The following PDSS2 variants were observed in gnomAD, a reference collection of about 807,000 sequenced individuals.
The protein encoded by PDSS2 is decaprenyl diphosphate synthase subunit 2.
Under a neutral mutation model 44.5 loss-of-function variants are expected in PDSS2, and 31 were observed. The ratio of observed to expected loss-of-function variants is 0.70; its 90% CI spans 0.52 to 0.94. PDSS2 has a LOEUF of 0.94. Among genes scored for constraint, PDSS2 ranks in the 40% least tolerant of loss-of-function variants. The probability of loss-of-function intolerance (pLI) is 0.00; values close to 1 mark genes in which losing one functional copy is unlikely to be tolerated. For synonymous variants in PDSS2, 157 were observed against 180.3 expected, an observed-to-expected ratio of 0.87 and a Z score of 1.03; for missense variants, 452 against 482.2, an observed-to-expected ratio of 0.94 and a Z score of 0.59.
intron 1 of PDSS2, among the ~76,000 whole-genome samples, chr6:107,456,462 TA>T (rs1782047505): frequency 6.6e-6 from 1 of 152,180 alleles, no homozygotes; most frequent in Admixed American, 6.5e-5. Flanking sequence ...GGAAGTCACA[TA>T]AGGTCATATG....
chr6:107,271,550 TACAGTACAATTGGGTGACACACTAC>T (rs1256403629), intron 3 of PDSS2, among the ~76,000 whole-genome samples: 1 of 152,200 alleles, frequency 6.6e-6, no homozygotes, highest in Non-Finnish European at 1.5e-5. Context: ...ATGCATGGGC[TACAGTACAATTGGGTGACACACTAC>T]ACAGCCAGCT....
At chr6:107,171,670 C>T (rs1455340247) in intron 7 of PDSS2, among the ~76,000 whole-genome samples, 1 of 152,100 alleles carries the variant, frequency 6.6e-6, no homozygotes, top group Non-Finnish European at 1.5e-5. Flanking sequence ...ATCACCATGC[C>T]TGGCTAATTT....
intron 6 of PDSS2, among the ~76,000 whole-genome samples, chr6:107,204,821 C>A (rs773123066): frequency 6.6e-6 from 1 of 152,158 alleles, no homozygotes; most frequent in African/African-American, 2.4e-5. Context: ...CATAGACAAC[C>A]TTTAGGCAAC....
chr6:107,438,048 T>A (rs1371179141), intron 1 of PDSS2, among the ~76,000 whole-genome samples: 1 of 152,118 alleles, frequency 6.6e-6, no homozygotes, highest in Non-Finnish European at 1.5e-5. Flanking sequence ...AGTAGTTAAC[T>A]GACAGAAACG....
chr6:107,154,409 C>T lies in PDSS2; in HGVS notation c.*210G>A, dbSNP rs1255335608. On this transcript the variant is annotated 3_prime_UTR_variant, in exon 8 of 8. Transcript: ENST00000369037. ...ACTGCAGCCTCAAGTGTGCTTCTGG[C>T]GTGACAAGTGAAAACTGCTTGACCT... 8 of 534,586 alleles carry T rather than the reference C, an allele frequency of 1.5e-5. No homozygotes were observed. The highest frequency in any genetic ancestry group is 6.1e-5 in the Admixed American group (2 of 32,806). The allele number at this position is 534,586 out of a possible 1,614,324, so 33.1% of individuals were successfully genotyped here. A position where few individuals can be genotyped will look rare whatever the true frequency, so the allele number is the denominator to read the frequency against.
At chr6:107,407,923 G>A (rs1447446441) in intron 1 of PDSS2, among the ~76,000 whole-genome samples, 1 of 152,072 alleles carries the variant, frequency 6.6e-6, no homozygotes, top group African/African-American at 2.4e-5. Context: ...CTGATTTCGA[G>A]CTCCTGACCT....
At chr6:107,426,478 AC>A (rs1436787522) in intron 1 of PDSS2, among the ~76,000 whole-genome samples, 1 of 152,208 alleles carries the variant, frequency 6.6e-6, no homozygotes, top group Non-Finnish European at 1.5e-5. Flanking sequence ...TGGAGCCTCC[AC>A]AAAAAGTCCC....
intron 1 of PDSS2, among the ~76,000 whole-genome samples, chr6:107,357,245 C>T (rs1778621866): frequency 6.6e-6 from 1 of 152,010 alleles, no homozygotes; most frequent in Non-Finnish European, 1.5e-5. Flanking sequence ...TCTTGGGACC[C>T]ATTTATACAG....
intron 1 of PDSS2, among the ~76,000 whole-genome samples, chr6:107,342,952 T>G (rs978148138): frequency 6.6e-6 from 1 of 152,134 alleles, no homozygotes; most frequent in Non-Finnish European, 1.5e-5. Context: ...CCTAGAGATA[T>G]AGAGTGAGTG....
intron 3 of PDSS2, among the ~76,000 whole-genome samples, chr6:107,253,283 C>T (rs573102105): frequency 1.1e-4 from 16 of 152,228 alleles, no homozygotes; most frequent in Admixed American, 1.3e-4. Flanking sequence ...ATGATCCGCC[C>T]GCCTCGGCCT....
intron 1 of PDSS2, among the ~76,000 whole-genome samples, chr6:107,457,986 T>C (rs1358364618): frequency 1.3e-5 from 2 of 152,134 alleles, no homozygotes; most frequent in Non-Finnish European, 2.9e-5. Context: ...AAAAAATATA[T>C]AGAAAGATAT....
intron 1 of PDSS2, among the ~76,000 whole-genome samples, chr6:107,440,668 G>C (rs1469738639): frequency 6.6e-6 from 1 of 152,184 alleles, no homozygotes; most frequent in Non-Finnish European, 1.5e-5. Context: ...CCTTTGAGCT[G>C]GAAGCTGAGA....
intron 1 of PDSS2, among the ~76,000 whole-genome samples, chr6:107,388,670 G>A: frequency 6.6e-6 from 1 of 152,146 alleles, no homozygotes; most frequent in South Asian, 2.1e-4. Flanking sequence ...GTGTTAGCCA[G>A]GATGGTCTCC....
chr6:107,441,236 C>A (rs1781501070), intron 1 of PDSS2, among the ~76,000 whole-genome samples: 1 of 152,156 alleles, frequency 6.6e-6, no homozygotes, highest in South Asian at 2.1e-4. Flanking sequence ...TTTGAGGAGG[C>A]TTTCTAGAAA....
intron 1 of PDSS2, among the ~76,000 whole-genome samples, chr6:107,364,204 T>G (rs1242320797): frequency 6.6e-6 from 1 of 152,222 alleles, no homozygotes; most frequent in Admixed American, 6.5e-5. Flanking sequence ...GCACTGGGGC[T>G]GCAGGTGGAG....
At chr6:107,332,524 C>G (rs1267553242) in intron 2 of PDSS2, among the ~76,000 whole-genome samples, 2 of 151,906 alleles carry the variant, frequency 1.3e-5, no homozygotes, top group African/African-American at 2.4e-5. Context: ...TACAAGATGA[C>G]TTTTTTTAAC....
chr6:107,420,933 T>G (rs892406358), intron 1 of PDSS2, among the ~76,000 whole-genome samples: 32 of 152,110 alleles, frequency 2.1e-4, no homozygotes, highest in African/African-American at 7.7e-4. Flanking sequence ...AAGAAAATAT[T>G]TGCAAATTTT....
intron 1 of PDSS2, among the ~76,000 whole-genome samples, chr6:107,424,408 C>G (rs1190817305): frequency 6.6e-6 from 1 of 152,062 alleles, no homozygotes; most frequent in Non-Finnish European, 1.5e-5. Flanking sequence ...TTGCAGGAAC[C>G]TTTTTTACCT....
chr6:107,181,236 G>A (rs533064770), intron 7 of PDSS2, among the ~76,000 whole-genome samples: 1 of 152,294 alleles, frequency 6.6e-6, no homozygotes, highest in South Asian at 2.1e-4. Context: ...TATTAAATTA[G>A]TATCAGTAGT....
Sources: gnomAD v4.1 joint callset for allele counts (sites outside exome capture counted in the v4.1 genomes callset) on GRCh38, gnomAD v4.1.1 for gene constraint, MANE v1.5 for transcripts, NCBI Gene and HGNC (gene_info 2026-07-23, HGNC 2026-07-21) for gene names.